The following CDK19 variants were observed in gnomAD, a reference collection of about 807,000 sequenced individuals.
CDK19 encodes the protein cyclin dependent kinase 19, also known as cyclin-dependent kinase 19.
A neutral mutation model predicts 68.3 loss-of-function variants in CDK19; 20 were observed. The ratio of observed to expected loss-of-function variants is 0.29; its 90% confidence interval spans 0.21 to 0.43. The LOEUF (loss-of-function observed/expected upper bound fraction) is 0.43. Among genes scored for constraint, CDK19 ranks in the 20% least tolerant of loss-of-function variants. The probability of loss-of-function intolerance (pLI) is 1.00; values close to 1 mark genes in which losing one functional copy is unlikely to be tolerated. For synonymous variants in CDK19, 221 were observed against 222.8 expected, an observed-to-expected ratio of 0.99 and a Z score of 0.07; for missense variants, 339 against 623.5, an observed-to-expected ratio of 0.54 and a Z score of 4.86.
At chr6:110,707,644 G>A (rs1030039727) in intron 2 of CDK19, among the ~76,000 whole-genome samples, 3 of 152,122 alleles carry the variant, frequency 2.0e-5, no homozygotes, top group Admixed American at 2.0e-4. Flanking sequence ...CAGCTGCATA[G>A]TACTCCACTG....
Position 110,622,184 on chromosome 6 carries a change from GA to G in CDK19, c.1032-19del. 1 of 1,507,564 alleles carries G rather than the reference GA, an allele frequency of 6.6e-7. No individual in the cohort carries two copies. Among genetic ancestry groups the G allele is most frequent in the East Asian group, 2.3e-5 (1 of 44,348 alleles). 93.4% of individuals were successfully genotyped at this position (1,507,564 alleles called of 1,614,324 possible). A position where few individuals can be genotyped will look rare whatever the true frequency, so the allele number is the denominator to read the frequency against. On this transcript the variant is annotated intron_variant, in intron 10 of 12. Coordinates refer to ENST00000368911, the MANE Select transcript of CDK19 (RefSeq NM_015076.5). ...CAAATACACTAAAAATCATTAAAAA[GA>G]AAAAACATATCATGATCTAAAATCT...
chr6:110,755,435 TG>T (rs1251933108), intron 1 of CDK19, among the ~76,000 whole-genome samples: 2 of 151,730 alleles, frequency 1.3e-5, no homozygotes, highest in Non-Finnish European at 2.9e-5. Flanking sequence ...AGATAATGAG[TG>T]AATAGAAGGG....
At chr6:110,790,453 T>G (rs377616337) in intron 1 of CDK19, among the ~76,000 whole-genome samples, 1 of 151,996 alleles carries the variant, frequency 6.6e-6, no homozygotes. Context: ...GAGAAACACT[T>G]GAAACTGGGA....
chr6:110,725,111 A>G (rs1245345612), intron 2 of CDK19, among the ~76,000 whole-genome samples: 2 of 152,192 alleles, frequency 1.3e-5, no homozygotes, highest in African/African-American at 4.8e-5. Flanking sequence ...AAATAATTAA[A>G]GTACATTAAA....
intron 2 of CDK19, among the ~76,000 whole-genome samples, chr6:110,719,028 T>C (rs918288208): frequency 6.6e-6 from 1 of 152,170 alleles, no homozygotes; most frequent in Admixed American, 6.5e-5. Flanking sequence ...CAAATATGTA[T>C]GTAAAAATGC....
In CDK19 at chr6:110,732,905, A is replaced by G. The variant is rs577264312; in HGVS notation, c.204+13221T>C. Among the ~76,000 whole-genome samples, 6 of 152,166 alleles carry G rather than the reference A, an allele frequency of 3.9e-5. 1 individual carries two copies. In the East Asian group the frequency reaches 1.2e-3, roughly 29 times the overall value. On this transcript the variant is annotated intron_variant, in intron 2 of 12. Coordinates refer to ENST00000368911, the MANE Select transcript of CDK19 (RefSeq NM_015076.5). ...AACACGGTGAAACCCCATCTCTATT[A>G]AAAACACAAAAATTAGCCAGGTGTG...
At chr6:110,655,228 T>C (rs1781232109) in intron 4 of CDK19, among the ~76,000 whole-genome samples, 1 of 151,874 alleles carries the variant, frequency 6.6e-6, no homozygotes, top group African/African-American at 2.4e-5. Flanking sequence ...CAGTCGGGCA[T>C]GGTGGCACGC....
At chr6:110,654,876 G>T (rs1034848374) in intron 4 of CDK19, among the ~76,000 whole-genome samples, 3 of 152,000 alleles carry the variant, frequency 2.0e-5, no homozygotes, top group Admixed American at 6.5e-5. Context: ...GGGAGGTGGA[G>T]GTTATGGTGA....
chr6:110,737,481 TAC>T (rs139727702), intron 2 of CDK19, among the ~76,000 whole-genome samples: 3 of 151,456 alleles, frequency 2.0e-5, no homozygotes, highest in Admixed American at 6.6e-5. Flanking sequence ...GGTGTATACA[TAC>T]ACACACACAC....
chr6:110,797,811 C>A (rs1782045579), intron 1 of CDK19, among the ~76,000 whole-genome samples: 1 of 151,740 alleles, frequency 6.6e-6, no homozygotes, highest in African/African-American at 2.4e-5. Context: ...ATGGTGAAAC[C>A]CCATCTCTAC....
intron 2 of CDK19, among the ~76,000 whole-genome samples, chr6:110,741,208 C>T (rs943295697): frequency 6.6e-6 from 1 of 151,852 alleles, no homozygotes; most frequent in Non-Finnish European, 1.5e-5. Flanking sequence ...GTAATCCTAG[C>T]ACTTTGAGAG....
At chr6:110,739,387 C>T (rs1777483801) in intron 2 of CDK19, among the ~76,000 whole-genome samples, 1 of 152,138 alleles carries the variant, frequency 6.6e-6, no homozygotes, top group African/African-American at 2.4e-5. Flanking sequence ...ATGGGCCAGA[C>T]ACTGAATGGG....
At chr6:110,696,079 C>T (rs770968760) in intron 2 of CDK19, among the ~76,000 whole-genome samples, 11 of 152,124 alleles carry the variant, frequency 7.2e-5, no homozygotes, top group Non-Finnish European at 1.6e-4. Context: ...TCCTGATGAA[C>T]ACAAATGCAA....
intron 1 of CDK19, among the ~76,000 whole-genome samples, chr6:110,787,101 G>C (rs767256926): frequency 6.6e-6 from 1 of 152,178 alleles, no homozygotes; most frequent in African/African-American, 2.4e-5. Flanking sequence ...GCCAGGCGCG[G>C]TGGCTCACAC....
At chr6:110,622,243 A>C (rs1368032853) in intron 10 of CDK19, 77 bp from the exon 11 acceptor site, 1 of 1,059,026 alleles carries the variant, frequency 9.4e-7, no homozygotes, top group African/African-American at 1.6e-5. Flanking sequence ...TTAAAATTCC[A>C]ATTTGTTTTT....
chr6:110,661,762 G>T (rs1163209135), intron 4 of CDK19, among the ~76,000 whole-genome samples: 6 of 152,148 alleles, frequency 3.9e-5, no homozygotes, highest in Non-Finnish European at 1.5e-5. Flanking sequence ...TTTAATAGCT[G>T]TTAATTAACA....
intron 2 of CDK19, among the ~76,000 whole-genome samples, chr6:110,691,643 T>C (rs992667890): frequency 6.6e-6 from 1 of 151,202 alleles, no homozygotes; most frequent in Admixed American, 6.6e-5. Context: ...TATTTTATTA[T>C]TATTATTTTT....
chr6:110,684,590 C>T (rs1772297409), intron 2 of CDK19, among the ~76,000 whole-genome samples: 1 of 152,150 alleles, frequency 6.6e-6, no homozygotes, highest in East Asian at 1.9e-4. Flanking sequence ...TTTTTCTTAA[C>T]ATCTTACCCA....
intron 1 of CDK19, among the ~76,000 whole-genome samples, chr6:110,775,417 A>G (rs979694462): frequency 3.9e-5 from 6 of 152,206 alleles, no homozygotes; most frequent in African/African-American, 1.4e-4. Flanking sequence ...AACGTAAAAG[A>G]AAAAAGGAGA....
Sources: allele counts gnomAD v4.1 joint callset (sites outside exome capture counted in the v4.1 genomes callset), GRCh38; gene constraint gnomAD v4.1.1; transcripts MANE v1.5; gene names NCBI Gene and HGNC (gene_info 2026-07-23, HGNC 2026-07-21).